The following PKIA variants were observed in gnomAD, a reference collection of about 807,000 sequenced individuals.
PKIA encodes PKI-alpha.
In PKIA, 4 loss-of-function variants were observed where a neutral mutation model predicts 7.6. The ratio of observed to expected loss-of-function variants is 0.52; its 90% CI spans 0.26 to 1.20. The LOEUF (loss-of-function observed/expected upper bound fraction) is 1.20, where lower values mean the gene tolerates loss of function less well. PKIA is among the 50% of genes most tolerant of loss of function. PKIA has a pLI of 0.13. For missense variants in PKIA, 73 were observed against 86.2 expected (o/e 0.85, Z 0.61); for synonymous variants, 21 against 30.7 (o/e 0.68, Z 1.04).
chr8:78,548,798 T>C (rs920489345), intron 1 of PKIA, among the ~76,000 whole-genome samples: 3 of 152,204 alleles, frequency 2.0e-5, no homozygotes, highest in South Asian at 2.1e-4. Context: ...ATTGTTATAA[T>C]GCAGGGGATA....
chr8:78,546,741 G>A (rs998240115), intron 1 of PKIA, among the ~76,000 whole-genome samples: 3 of 152,078 alleles, frequency 2.0e-5, no homozygotes, highest in Admixed American at 6.6e-5. Flanking sequence ...CTTGTAACCC[G>A]TTTAGTCTAT....
At chr8:78,595,987 TA>T (rs1808218164) in intron 2 of PKIA, among the ~76,000 whole-genome samples, 1 of 152,198 alleles carries the variant, frequency 6.6e-6, no homozygotes, top group Non-Finnish European at 1.5e-5. Flanking sequence ...TTCCCATCAG[TA>T]GTGTAAAAGT....
At chr8:78,579,888 T>C (rs1428263498) in intron 2 of PKIA, among the ~76,000 whole-genome samples, 1 of 152,048 alleles carries the variant, frequency 6.6e-6, no homozygotes, top group Non-Finnish European at 1.5e-5. Flanking sequence ...TTCTGCTGCA[T>C]ATGGTTTACA....
intron 1 of PKIA, chr8:78,535,928 C>A (rs985778073): frequency 1.3e-5 from 2 of 152,006 alleles, no homozygotes; most frequent in African/African-American, 4.8e-5. Context: ...GCCCCATGCA[C>A]GCTGCCAGGT....
At chr8:78,546,122 G>A (rs931988879) in intron 1 of PKIA, among the ~76,000 whole-genome samples, 1 of 152,052 alleles carries the variant, frequency 6.6e-6, no homozygotes, top group Admixed American at 6.6e-5. Flanking sequence ...TGGCTTTGTC[G>A]AATACATCAA....
rs1028024380 is a variant in PKIA, at chr8:78,572,570, C to T, written c.-156-241C>T. On this transcript the variant is annotated intron_variant, in intron 1 of 3. Coordinates refer to ENST00000396418, the MANE Select transcript of PKIA (RefSeq NM_006823.4). ...ACACACACACACACACACACACACA[C>T]ACAATTAATTAACAAAGGCTAACCA... Among the ~76,000 whole-genome samples, 3 of 151,620 alleles carry T rather than the reference C, an allele frequency of 2.0e-5. No individual in the cohort carries two copies. The East Asian group carries it at 5.8e-4, about 29-fold the overall frequency.
intron 1 of PKIA, among the ~76,000 whole-genome samples, chr8:78,561,580 C>T (rs1807287701): frequency 6.6e-6 from 1 of 152,008 alleles, no homozygotes. Flanking sequence ...GCCAGGCAGT[C>T]TTAGGGTCAG....
intron 1 of PKIA, among the ~76,000 whole-genome samples, chr8:78,558,893 C>G (rs1807215977): frequency 6.6e-6 from 1 of 152,010 alleles, no homozygotes; most frequent in Admixed American, 6.6e-5. Context: ...ATGTTAGAAA[C>G]TGTGCATTTA....
intron 2 of PKIA, among the ~76,000 whole-genome samples, chr8:78,585,081 C>T (rs1807916002): frequency 6.6e-6 from 1 of 151,888 alleles, no homozygotes; most frequent in African/African-American, 2.4e-5. Flanking sequence ...AAAATAAATA[C>T]ACATATTGTT....
chr8:78,538,301 T>C (rs1396690506), intron 1 of PKIA, among the ~76,000 whole-genome samples: 1 of 152,078 alleles, frequency 6.6e-6, no homozygotes, highest in African/African-American at 2.4e-5. Context: ...CCCACCTTAT[T>C]TCTCTCTCAT....
chr8:78,535,365 T>C (rs944623425), intron 1 of PKIA: 6 of 152,180 alleles, frequency 3.9e-5, no homozygotes, highest in African/African-American at 1.4e-4. Context: ...TCCTTCTTTT[T>C]TCTGTTTCTC....
intron 2 of PKIA, among the ~76,000 whole-genome samples, chr8:78,579,318 C>T (rs1314599639): frequency 1.3e-5 from 2 of 152,012 alleles, no homozygotes; most frequent in East Asian, 3.9e-4. Flanking sequence ...ACATTCCTGT[C>T]CAAAACCCTG....
intron 2 of PKIA, 41 bp from the exon 3 acceptor site, chr8:78,598,317 C>A: frequency 8.0e-7 from 1 of 1,252,232 alleles, no homozygotes; most frequent in Non-Finnish European, 1.1e-6. Flanking sequence ...TTAGCATTGA[C>A]TACCATTATA....
rs145668217 is a variant in PKIA at position 78,535,581 on chromosome 8, G to C, written c.-157+19113G>C. On this transcript the variant is annotated intron_variant, in intron 1 of 3. Transcript: ENST00000396418. ...TGGGGGAGGAGGAAGAAAGAACTAT[G>C]AATCACTAAGCCAGCCCCTGAACTT... 1,353 of 152,198 alleles carry C rather than the reference G, an allele frequency of 8.9e-3. 9 individuals carry two copies. The highest frequency in any genetic ancestry group is 0.013 in the Non-Finnish European group (902 of 68,048). 9.4% of individuals were successfully genotyped at this position (152,198 alleles called of 1,614,324 possible).
chr8:78,601,902 G>A lies in PKIA; in HGVS notation c.*81G>A, dbSNP rs899243326. 6.2e-5 allele frequency: 67 copies of A among 1,087,640 alleles called. No individual in the cohort carries two copies. In the African/African-American group the frequency reaches 9.3e-4, roughly 15 times the overall value. 67.4% of individuals were successfully genotyped at this position (1,087,640 alleles called of 1,614,324 possible). On this transcript the variant is annotated 3_prime_UTR_variant, in exon 4 of 4. Transcript: ENST00000396418. ...CTGGAATGCATTTGTTTCCATGAGT[G>A]AAAAGAGGAAAAAGAAAATGGCTGT...
chr8:78,536,481 T>C (rs1180319998), intron 1 of PKIA, among the ~76,000 whole-genome samples: 1 of 152,054 alleles, frequency 6.6e-6, no homozygotes, highest in African/African-American at 2.4e-5. Context: ...CTGATGTAGG[T>C]AGACAATCCA....
rs1174057843 is a variant in PKIA, at chr8:78,596,689, A to G, written c.-27-1669A>G. On this transcript the variant is annotated intron_variant, in intron 2 of 3. Transcript: ENST00000396418. The stretch of plus-strand genomic sequence containing the variant: ...TAGTTTAATTATGTCCCATTTGTCA[A>G]TTTTTGCTTTTGTGGCAATTCTTTT... 2.6e-5 allele frequency among the ~76,000 whole-genome samples: 4 copies of G among 152,062 alleles called. No individual in the cohort carries two copies. In the East Asian group the frequency reaches 7.7e-4, roughly 29 times the overall value.
chr8:78,586,921 A>T (rs1807961799), intron 2 of PKIA, among the ~76,000 whole-genome samples: 1 of 152,188 alleles, frequency 6.6e-6, no homozygotes, highest in Non-Finnish European at 1.5e-5. Context: ...TAAATTATAT[A>T]ATCCATATAC....
chr8:78,527,694 T>A (rs1806282197), intron 1 of PKIA, among the ~76,000 whole-genome samples: 1 of 152,052 alleles, frequency 6.6e-6, no homozygotes, highest in South Asian at 2.1e-4. Flanking sequence ...TTTAAGCTTT[T>A]CTGAACTAGA....
Sources: allele counts gnomAD v4.1 joint callset (sites outside exome capture counted in the v4.1 genomes callset), GRCh38; gene constraint gnomAD v4.1.1; transcripts MANE v1.5; gene names NCBI Gene and HGNC (gene_info 2026-07-23, HGNC 2026-07-21).